SLCO1C1: variants seen among roughly 807,000 people sequenced by gnomAD.
SLCO1C1 encodes the protein OAT-RP-5.
SLCO1C1 carries 70 observed loss-of-function variants against 76.4 expected under a neutral mutation model. That is an observed-to-expected ratio of 0.92 (90% confidence interval 0.76 to 1.12). The LOEUF (loss-of-function observed/expected upper bound fraction) is 1.12, where lower values mean the gene tolerates loss of function less well. Ranked by LOEUF, SLCO1C1 falls within the 50% of genes most tolerant of loss-of-function variation. SLCO1C1 has a pLI of 0.00. For missense variants in SLCO1C1, 912 were observed against 823.8 expected (o/e 1.11, Z -1.31); for synonymous variants, 306 against 286.1 (o/e 1.07, Z -0.70).
intron 9 of SLCO1C1, among the ~76,000 whole-genome samples, chr12:20,729,135 A>T (rs889702438): frequency 6.6e-6 from 1 of 152,200 alleles, no homozygotes; most frequent in Non-Finnish European, 1.5e-5. Context: ...TGATTTAAAA[A>T]TACCTAAAAT....
chr12:20,750,220 T>C (rs1365870312), intron 13 of SLCO1C1, among the ~76,000 whole-genome samples: 2 of 152,166 alleles, frequency 1.3e-5, no homozygotes, highest in African/African-American at 4.8e-5. Context: ...TGCTTTAAGT[T>C]AGGGTAGAAG....
Position 20,723,548 on chromosome 12 carries a change from G to A in SLCO1C1, c.1186+294G>A, listed in dbSNP as rs139627790. 2.1e-3 allele frequency among the ~76,000 whole-genome samples: 323 copies of A among 152,080 alleles called. 3 individuals are homozygous for A. Among genetic ancestry groups the A allele is most frequent in the African/African-American group, 7.7e-3 (318 of 41,474 alleles). Reference sequence around the variant, plus strand: ...AGTGCAGCCGAAACCTCAAAACAGTGGCCATTTTACATGAACAGTTTCTAG... The same window carrying A: ...AGTGCAGCCGAAACCTCAAAACAGTAGCCATTTTACATGAACAGTTTCTAG... On this transcript the variant is annotated intron_variant, in intron 9 of 14. Coordinates refer to ENST00000266509, the MANE Select transcript of SLCO1C1 (RefSeq NM_017435.5).
At chr12:20,713,846 T>C (rs1384045634) in intron 5 of SLCO1C1, among the ~76,000 whole-genome samples, 6 of 152,278 alleles carry the variant, frequency 3.9e-5, no homozygotes, top group Non-Finnish European at 8.8e-5. Context: ...AATAGTCACA[T>C]GTGGCTTATG....
chr12:20,739,576 A>C (rs1367295460), intron 11 of SLCO1C1, among the ~76,000 whole-genome samples: 1 of 152,182 alleles, frequency 6.6e-6, no homozygotes, highest in East Asian at 1.9e-4. Flanking sequence ...TGGAAAGGGC[A>C]AAATGGGGCC....
intron 11 of SLCO1C1, among the ~76,000 whole-genome samples, 161 bp downstream of exon 11, chr12:20,737,433 T>C (rs780316742): frequency 1.2e-4 from 18 of 152,166 alleles, no homozygotes; most frequent in Non-Finnish European, 2.4e-4. Context: ...CCATTCCTAG[T>C]GGTACTGGAG....
chr12:20,711,994 C>A (rs143189060), intron 5 of SLCO1C1, among the ~76,000 whole-genome samples: 56 of 152,272 alleles, frequency 3.7e-4, no homozygotes, highest in African/African-American at 1.3e-3. Flanking sequence ...GTAAAATGGG[C>A]AGCTATGGTG....
intron 7 of SLCO1C1, among the ~76,000 whole-genome samples, chr12:20,717,647 T>C (rs1284531213): frequency 1.0e-5 from 1 of 97,916 alleles, no homozygotes; most frequent in African/African-American, 4.1e-5. Flanking sequence ...AAACAGCCCT[T>C]CTTTTTTTTT....
chr12:20,733,001 C>T lies in SLCO1C1; in HGVS notation c.1279C>T (p.Leu427Phe), dbSNP rs764022010. The T allele has an allele frequency of 6.2e-7, 1 of 1,613,672 alleles. No homozygotes were observed. The highest frequency in any genetic ancestry group is 8.5e-7 in the Non-Finnish European group (1 of 1,179,912). ...AATCAGTGTGTGTGGAGCTGCAAAA[C>T]TCTACTTGGGATCATCTGTCTTTGG... ...FRISVCGAAK[L>F]YLGSSVFGYL... Residue 427 changes from leucine to phenylalanine, a missense_variant, in exon 10 of 15, where the codon CTC (leucine) becomes TTC (phenylalanine). By Grantham distance (22) the Leu-to-Phe change is conservative. Coordinates refer to ENST00000266509, the MANE Select transcript of SLCO1C1 (RefSeq NM_017435.5).
chr12:20,711,567 T>C, intron 5 of SLCO1C1, 57 bp downstream of exon 5: 6 of 1,561,042 alleles, frequency 3.8e-6, no homozygotes, highest in Non-Finnish European at 5.2e-6. Context: ...ACTTTATATG[T>C]GCTTTAGGAT....
chr12:20,703,949 GTGTGTC>G (rs1384424896), intron 3 of SLCO1C1, among the ~76,000 whole-genome samples: 2 of 116,000 alleles, frequency 1.7e-5, no homozygotes, highest in African/African-American at 6.3e-5. Flanking sequence ...GTTATCTCGA[GTGTGTC>G]TGTGTGTGTG....
chr12:20,722,094 G>A, intron 8 of SLCO1C1, 45 bp downstream of exon 8: 1 of 1,567,764 alleles, frequency 6.4e-7, no homozygotes, highest in Non-Finnish European at 8.6e-7. Context: ...TTTTCTGTTG[G>A]GGCTTAAGGA....
intron 12 of SLCO1C1, among the ~76,000 whole-genome samples, chr12:20,740,818 T>TATATATATATA (rs1565541864): frequency 2.4e-5 from 3 of 124,948 alleles, no homozygotes; most frequent in Non-Finnish European, 5.2e-5. Context: ...TATATATATA[T>TATATATATATA]GGCTTTATCT....
At chr12:20,744,224 T>A (rs1948941403) in intron 13 of SLCO1C1, among the ~76,000 whole-genome samples, 1 of 152,062 alleles carries the variant, frequency 6.6e-6, no homozygotes, top group Non-Finnish European at 1.5e-5. Context: ...GTGTCATATA[T>A]TGAGCCTGTA....
At chr12:20,744,929 G>A (rs1419044107) in intron 13 of SLCO1C1, among the ~76,000 whole-genome samples, 2 of 152,152 alleles carry the variant, frequency 1.3e-5, no homozygotes, top group Non-Finnish European at 2.9e-5. Flanking sequence ...ACGTAACAGA[G>A]CTGTAAGGAT....
chr12:20,717,153 T>G lies in SLCO1C1; in HGVS notation c.698T>G (p.Ile233Ser). 6.2e-7 allele frequency: 1 copy of G among 1,604,704 alleles called. No individual in the cohort carries two copies. Among genetic ancestry groups the G allele is most frequent in the Non-Finnish European group, 8.5e-7 (1 of 1,176,980 alleles). Residue 233 changes from isoleucine (I) to serine (S), a missense_variant, in exon 7 of 15, where the codon ATT becomes AGT. Transcript: ENST00000266509. Reference protein sequence around the residue: ...FYIGCVQTVAIIGPIFGFLLG... With the variant: ...FYIGCVQTVASIGPIFGFLLG... Reference sequence around the variant, plus strand: ...GCAGGGTGTGTGCAGACGGTTGCAATTATAGGACCAATCTTTGGTTTCCTG... The same window carrying G: ...GCAGGGTGTGTGCAGACGGTTGCAAGTATAGGACCAATCTTTGGTTTCCTG...
intron 9 of SLCO1C1, among the ~76,000 whole-genome samples, chr12:20,726,616 T>C (rs1948011819): frequency 6.6e-6 from 1 of 152,172 alleles, no homozygotes; most frequent in South Asian, 2.1e-4. Context: ...GTTTGTGGAA[T>C]TTTAAAAAGA....
chr12:20,697,139 C>T (rs142279472), intron 1 of SLCO1C1: 108 of 151,814 alleles, frequency 7.1e-4, no homozygotes, highest in African/African-American at 2.6e-3. Flanking sequence ...AGATGTAACA[C>T]TTTGGATCTT....
intron 9 of SLCO1C1, among the ~76,000 whole-genome samples, chr12:20,730,138 C>G (rs1020447366): frequency 6.6e-6 from 1 of 152,134 alleles, no homozygotes; most frequent in African/African-American, 2.4e-5. Context: ...TAGAAACATG[C>G]TCTGAAGGTT....
chr12:20,725,864 A>G (rs994966883), intron 9 of SLCO1C1, among the ~76,000 whole-genome samples: 1 of 151,928 alleles, frequency 6.6e-6, no homozygotes, highest in African/African-American at 2.4e-5. Context: ...GTGGTATTTC[A>G]TGGTGGTTTA....
Sources: gnomAD v4.1 joint callset for allele counts (sites outside exome capture counted in the v4.1 genomes callset) on GRCh38, gnomAD v4.1.1 for gene constraint, MANE v1.5 for transcripts, NCBI Gene and HGNC (gene_info 2026-07-23, HGNC 2026-07-21) for gene names.